The following GRID2 variants were observed in gnomAD, a reference collection of about 807,000 sequenced individuals.
The protein encoded by GRID2 is glutamate ionotropic receptor delta type subunit 2, also known as glutamate receptor ionotropic, delta-2.
Under a neutral mutation model 114.8 loss-of-function variants are expected in GRID2, and 33 were observed. The observed-to-expected ratio is 0.29, with a 90% CI of 0.22 to 0.38. GRID2 has a LOEUF of 0.38. Ranked by LOEUF, GRID2 falls within the 10% of genes least tolerant of loss-of-function variation. GRID2 has a pLI of 1.00. For synonymous variants in GRID2, 505 were observed against 449.9 expected (o/e 1.12, Z -1.55); for missense variants, 1,184 against 1,257.7 (o/e 0.94, Z 0.89).
intron 2 of GRID2, among the ~76,000 whole-genome samples, chr4:93,078,750 T>C (rs935852947): frequency 1.8e-4 from 19 of 105,998 alleles, no homozygotes; most frequent in African/African-American, 5.2e-4. Context: ...CTGTATATAC[T>C]AAATATAATT....
intron 8 of GRID2, among the ~76,000 whole-genome samples, chr4:93,316,195 C>T (rs1756565144): frequency 6.6e-6 from 1 of 151,334 alleles, no homozygotes; most frequent in Non-Finnish European, 1.5e-5. Flanking sequence ...AAGCCATTCC[C>T]TTTTTACAGT....
chr4:92,832,663 G>A (rs1436464084), intron 2 of GRID2, among the ~76,000 whole-genome samples: 1 of 152,032 alleles, frequency 6.6e-6, no homozygotes, highest in African/African-American at 2.4e-5. Context: ...CAAAGTGCTG[G>A]GATCACAAGG....
In GRID2 at chr4:93,087,275, C is replaced by T. The variant is rs560565632; in HGVS notation, c.529+1996C>T. ...CAGGATGGTCTCGATCTCCTGACAT[C>T]GTGATCCACCCACCTCGGCCTCCCA... On this transcript the variant is annotated intron_variant, in intron 3 of 15. Coordinates refer to ENST00000282020, the MANE Select transcript of GRID2 (RefSeq NM_001510.4). Among the ~76,000 whole-genome samples, 6 of 151,898 alleles carry T rather than the reference C, an allele frequency of 4.0e-5. No individual in the cohort carries two copies. In the South Asian group the frequency reaches 1.2e-3, roughly 32 times the overall value.
At chr4:92,729,014 A>G (rs944574018) in intron 2 of GRID2, among the ~76,000 whole-genome samples, 1 of 151,934 alleles carries the variant, frequency 6.6e-6, no homozygotes, top group Non-Finnish European at 1.5e-5. Flanking sequence ...TCAACTAGGT[A>G]TTCATTCTAT....
chr4:92,321,161 A>T (rs906898225), intron 1 of GRID2, among the ~76,000 whole-genome samples: 1 of 152,338 alleles, frequency 6.6e-6, no homozygotes, highest in East Asian at 1.9e-4. Flanking sequence ...TGCTCCAAGG[A>T]TGGCAGAAGT....
intron 14 of GRID2, among the ~76,000 whole-genome samples, chr4:93,679,433 A>G (rs969077642): frequency 6.6e-6 from 1 of 150,998 alleles, no homozygotes; most frequent in Non-Finnish European, 1.5e-5. Flanking sequence ...CAGACCTAAT[A>G]GACATCTACA....
chr4:93,080,575 C>T (rs1030769591), intron 2 of GRID2, among the ~76,000 whole-genome samples: 2 of 152,026 alleles, frequency 1.3e-5, no homozygotes, highest in Non-Finnish European at 2.9e-5. Flanking sequence ...ACTTAGTCAT[C>T]TCTCTCTCTA....
chr4:93,224,798 A>G (rs776408851), intron 7 of GRID2, 23 bp downstream of exon 7: 8 of 1,534,172 alleles, frequency 5.2e-6, no homozygotes, highest in Middle Eastern at 3.4e-4. Flanking sequence ...TTTTCATGTA[A>G]AAAGGATATG....
At chr4:93,613,687 T>G (rs1409608505) in intron 13 of GRID2, among the ~76,000 whole-genome samples, 21 of 141,378 alleles carry the variant, frequency 1.5e-4, no homozygotes, top group Admixed American at 2.1e-4. Context: ...CTCCAGCTGC[T>G]TGCTGGGAGA....
chr4:92,943,541 G>A (rs913781333), intron 2 of GRID2, among the ~76,000 whole-genome samples: 69 of 152,064 alleles, frequency 4.5e-4, no homozygotes, highest in Non-Finnish European at 6.8e-4. Context: ...CCTTTAGCTC[G>A]GAGTAGTTTG....
intron 4 of GRID2, among the ~76,000 whole-genome samples, chr4:93,149,998 G>C (rs1447177075): frequency 6.6e-6 from 1 of 151,954 alleles, no homozygotes; most frequent in African/African-American, 2.4e-5. Flanking sequence ...ATCAAGAGAA[G>C]TATCCATTGG....
chr4:93,491,107 A>G (rs1354909269), intron 12 of GRID2, among the ~76,000 whole-genome samples: 2 of 151,960 alleles, frequency 1.3e-5, no homozygotes, highest in African/African-American at 4.8e-5. Flanking sequence ...GAAAAAAAAG[A>G]GTCATACTTA....
At chr4:93,183,523 T>G (rs1740105161) in intron 4 of GRID2, among the ~76,000 whole-genome samples, 1 of 152,326 alleles carries the variant, frequency 6.6e-6, no homozygotes, top group South Asian at 2.1e-4. Context: ...TTAGGGATTC[T>G]TCATGGCACC....
At chr4:93,280,307 C>T (rs944598176) in intron 8 of GRID2, among the ~76,000 whole-genome samples, 1 of 151,940 alleles carries the variant, frequency 6.6e-6, no homozygotes, top group East Asian at 1.9e-4. Flanking sequence ...CTTAGCCATG[C>T]AACACATTTT....
rs368097386 is a variant in GRID2 at position 92,823,193 on chromosome 4, CAT to C, written c.244+232914_244+232915del. ...TTTGCCCTTTGCCCTTTATGAGTCACATATATATGGAGAAAAGAAGTTGTCTA... is the reference window on the plus strand; with the variant it reads ...TTTGCCCTTTGCCCTTTATGAGTCACATATATGGAGAAAAGAAGTTGTCTA... On this transcript the variant is annotated intron_variant, in intron 2 of 15. Transcript: ENST00000282020. Among the ~76,000 whole-genome samples, 48 of 152,094 alleles carry C rather than the reference CAT, an allele frequency of 3.2e-4. No homozygotes were observed. In the South Asian group the frequency reaches 8.5e-3, roughly 27 times the overall value.
At chr4:92,348,961 T>A (rs996773835) in intron 1 of GRID2, among the ~76,000 whole-genome samples, 1 of 152,044 alleles carries the variant, frequency 6.6e-6, no homozygotes, top group Non-Finnish European at 1.5e-5. Context: ...ACTCTGAAAA[T>A]GCAACATGTA....
At chr4:92,368,429 C>T (rs1371354338) in intron 1 of GRID2, among the ~76,000 whole-genome samples, 1 of 152,040 alleles carries the variant, frequency 6.6e-6, no homozygotes, top group African/African-American at 2.4e-5. Context: ...TGCGCTGTCT[C>T]ATGCTGTAAT....
At chr4:93,472,354 G>T (rs1477849138) in intron 11 of GRID2, among the ~76,000 whole-genome samples, 1 of 151,980 alleles carries the variant, frequency 6.6e-6, no homozygotes, top group Non-Finnish European at 1.5e-5. Context: ...ATCAGCAGAT[G>T]ATCTCTCAGG....
chr4:93,065,078 A>G (rs1728181860), intron 2 of GRID2, among the ~76,000 whole-genome samples: 1 of 152,008 alleles, frequency 6.6e-6, no homozygotes, highest in East Asian at 1.9e-4. Context: ...CGGGGGAAAT[A>G]TAGGGAGGAA....
Sources: allele counts gnomAD v4.1 joint callset (sites outside exome capture counted in the v4.1 genomes callset), GRCh38; gene constraint gnomAD v4.1.1; transcripts MANE v1.5; gene names NCBI Gene and HGNC (gene_info 2026-07-23, HGNC 2026-07-21).